Variants in PPP2R3A observed in about 807,000 individuals in gnomAD.
PPP2R3A encodes the protein serine/threonine-protein phosphatase 2A regulatory subunit B'' subunit alpha.
Under a neutral mutation model 106.9 loss-of-function variants are expected in PPP2R3A, and 80 were observed. The ratio of observed to expected loss-of-function variants is 0.75; its 90% confidence interval spans 0.62 to 0.90. The LOEUF (loss-of-function observed/expected upper bound fraction) is 0.90, where lower values mean the gene tolerates loss of function less well. Ranked by LOEUF, PPP2R3A falls within the 40% of genes least tolerant of loss-of-function variation. PPP2R3A has a pLI of 0.00. For synonymous variants in PPP2R3A, 483 were observed against 468.3 expected, an observed-to-expected ratio of 1.03 and a Z score of -0.41; for missense variants, 1,386 against 1,350.4, an observed-to-expected ratio of 1.03 and a Z score of -0.41.
At chr3:135,989,506 C>T (rs1933066324) in intron 1 of PPP2R3A, among the ~76,000 whole-genome samples, 1 of 134,328 alleles carries the variant, frequency 7.4e-6, no homozygotes, top group African/African-American at 3.1e-5. Flanking sequence ...GGTTGCAGTC[C>T]TTTTTTTTTG....
At chr3:136,067,799 A>G (rs988523290) in intron 5 of PPP2R3A, among the ~76,000 whole-genome samples, 4 of 152,204 alleles carry the variant, frequency 2.6e-5, no homozygotes, top group Admixed American at 1.3e-4. Flanking sequence ...TTCAAATACC[A>G]TTTTCCAATG....
At chr3:136,061,458 T>C (rs1193731448) in intron 5 of PPP2R3A, among the ~76,000 whole-genome samples, 1 of 152,056 alleles carries the variant, frequency 6.6e-6, no homozygotes, top group Non-Finnish European at 1.5e-5. Flanking sequence ...TGAAACCACA[T>C]CTCTACTAAC....
chr3:136,036,794 C>G (rs1559881848), intron 3 of PPP2R3A, among the ~76,000 whole-genome samples: 1 of 152,206 alleles, frequency 6.6e-6, no homozygotes, highest in South Asian at 2.1e-4. Context: ...CCACCATGAT[C>G]CCCTCAGTCC....
intron 1 of PPP2R3A, among the ~76,000 whole-genome samples, chr3:135,992,915 A>G (rs1376857538): frequency 6.6e-6 from 1 of 152,176 alleles, no homozygotes; most frequent in East Asian, 1.9e-4. Flanking sequence ...GAGACAGTGA[A>G]TTTTCAAAGG....
At chr3:136,080,867 T>A (rs1171148629) in intron 7 of PPP2R3A, among the ~76,000 whole-genome samples, 1 of 152,228 alleles carries the variant, frequency 6.6e-6, no homozygotes, top group Admixed American at 6.5e-5. Flanking sequence ...TAATAATAAT[T>A]TATGTTGTTG....
intron 13 of PPP2R3A, among the ~76,000 whole-genome samples, chr3:136,115,493 G>C (rs1375668454): frequency 6.6e-6 from 1 of 151,840 alleles, no homozygotes; most frequent in African/African-American, 2.4e-5. Context: ...AGGAAGCTAA[G>C]AACCTTTAAA....
At chr3:136,134,112 G>A (rs1938520648) in intron 13 of PPP2R3A, among the ~76,000 whole-genome samples, 1 of 152,122 alleles carries the variant, frequency 6.6e-6, no homozygotes, top group Non-Finnish European at 1.5e-5. Flanking sequence ...ATTGGATACT[G>A]GCAAATGCAA....
intron 1 of PPP2R3A, among the ~76,000 whole-genome samples, chr3:135,987,311 G>T (rs775281859): frequency 6.6e-6 from 1 of 152,060 alleles, no homozygotes; most frequent in Non-Finnish European, 1.5e-5. Flanking sequence ...TTTTTGTGCT[G>T]GTTTCCTGAT....
At chr3:136,074,855 C>T (rs994438260) in intron 6 of PPP2R3A, among the ~76,000 whole-genome samples, 4 of 152,104 alleles carry the variant, frequency 2.6e-5, no homozygotes, top group African/African-American at 9.7e-5. Context: ...AACTTTTCCT[C>T]TTAAGAGAGA....
At chr3:136,137,336 C>T (rs997645922) in intron 13 of PPP2R3A, among the ~76,000 whole-genome samples, 7 of 151,890 alleles carry the variant, frequency 4.6e-5, no homozygotes, top group Non-Finnish European at 1.0e-4. Flanking sequence ...TTATTTTATA[C>T]TTGGTATATT....
intron 13 of PPP2R3A, among the ~76,000 whole-genome samples, chr3:136,117,862 C>T (rs1252869843): frequency 6.6e-6 from 1 of 152,186 alleles, no homozygotes; most frequent in African/African-American, 2.4e-5. Context: ...GGGAATCCTC[C>T]TTAACTGATT....
At chr3:136,054,188 T>TA (rs1436180940) in intron 5 of PPP2R3A, among the ~76,000 whole-genome samples, 1 of 150,548 alleles carries the variant, frequency 6.6e-6, no homozygotes, top group Non-Finnish European at 1.5e-5. Context: ...CCTACACACA[T>TA]ACACATACAC....
intron 3 of PPP2R3A, among the ~76,000 whole-genome samples, chr3:136,037,737 C>T (rs1053968168): frequency 2.6e-5 from 4 of 152,216 alleles, no homozygotes; most frequent in Non-Finnish European, 4.4e-5. Context: ...ATCATCCTCT[C>T]CTATGTGTAT....
chr3:136,106,368 G>C, intron 13 of PPP2R3A, 46 bp downstream of exon 13: 1 of 1,508,902 alleles, frequency 6.6e-7, no homozygotes, highest in Non-Finnish European at 9.2e-7. Flanking sequence ...ACAGGAATGC[G>C]CATGTCCAGA....
chr3:135,968,780 G>A (rs1937162738), intron 1 of PPP2R3A, among the ~76,000 whole-genome samples: 1 of 152,184 alleles, frequency 6.6e-6, no homozygotes, highest in Non-Finnish European at 1.5e-5. Context: ...GGCATTCAAG[G>A]AAATGCATAT....
intron 5 of PPP2R3A, chr3:136,055,694 C>A: frequency 1.1e-6 from 1 of 888,630 alleles, no homozygotes; most frequent in Non-Finnish European, 1.8e-6. Context: ...GGTTTGCACC[C>A]TAAGACTCTG....
At chr3:135,977,227 C>T (rs891414487) in intron 1 of PPP2R3A, among the ~76,000 whole-genome samples, 1 of 152,116 alleles carries the variant, frequency 6.6e-6, no homozygotes, top group Admixed American at 6.5e-5. Context: ...TCCCTTTGTC[C>T]TCCCACTCCA....
In PPP2R3A at chr3:136,145,122, C is replaced by T; in HGVS notation, c.3409C>T (p.Leu1137Phe). 3 of 1,613,706 alleles carry T rather than the reference C, an allele frequency of 1.9e-6. No homozygotes were observed. Among genetic ancestry groups the T allele is most frequent in the Non-Finnish European group, 2.5e-6 (3 of 1,179,770 alleles). The change falls in exon 14 of 14, where the codon CTT becomes TTT. Residue 1137 changes from leucine to phenylalanine, a missense_variant. Transcript: ENST00000264977. ...NKSNKILSAS[L>F]PEKCGKLQSV... Reference sequence around the variant, plus strand: ...AAGCAATAAAATATTAAGTGCAAGCCTTCCAGAGAAATGTGGAAAGCTTCA... The same window carrying T: ...AAGCAATAAAATATTAAGTGCAAGCTTTCCAGAGAAATGTGGAAAGCTTCA...
chr3:136,105,797 A>G (rs566216175), intron 12 of PPP2R3A, among the ~76,000 whole-genome samples: 2 of 152,228 alleles, frequency 1.3e-5, no homozygotes, highest in African/African-American at 4.8e-5. Flanking sequence ...CCCTGTCTCT[A>G]CAAAATACAA....
Sources: allele counts gnomAD v4.1 joint callset (sites outside exome capture counted in the v4.1 genomes callset), GRCh38; gene constraint gnomAD v4.1.1; transcripts MANE v1.5; gene names NCBI Gene and HGNC (gene_info 2026-07-23, HGNC 2026-07-21).